The following VCF2 variants were observed in gnomAD, a reference collection of about 807,000 sequenced individuals.
The protein encoded by VCF2 is VCP nuclear cofactor family member 2, also known as protein VCF2.
the VCF2 span, among the ~76,000 whole-genome samples, chrX:55,158,921 T>C: frequency 8.9e-6 from 1 of 112,153 alleles, no homozygotes; most frequent in East Asian, 2.8e-4. Flanking sequence ...TGATTATGTT[T>C]AGCAAAGTTT....
At chrX:55,143,736 AT>A in the VCF2 span, 1 of 1,030,224 alleles carries the variant, frequency 9.7e-7, no homozygotes, top group African/African-American at 1.9e-5. Context: ...TTCTTCTGAT[AT>A]TCCTTGAAAA....
chrX:55,152,183 G>A, the VCF2 span, among the ~76,000 whole-genome samples: 3 of 111,485 alleles, frequency 2.7e-5, no homozygotes, highest in African/African-American at 9.8e-5. Flanking sequence ...GAGCCACCGT[G>A]CCCGGCCAAG....
chrX:55,155,314 A>G, the VCF2 span, among the ~76,000 whole-genome samples: 1 of 112,252 alleles, frequency 8.9e-6, no homozygotes, highest in African/African-American at 3.2e-5. Flanking sequence ...ATTTTAATGG[A>G]TGAATGAAAT....
chrX:55,146,224 C>T, the VCF2 span: 1 of 1,211,614 alleles, frequency 8.3e-7, no homozygotes, highest in Non-Finnish European at 1.1e-6. Context: ...GGTTCAGTAA[C>T]AATCTGGTTT....
the VCF2 span, among the ~76,000 whole-genome samples, chrX:55,149,059 T>C: frequency 1.8e-5 from 2 of 111,976 alleles, no homozygotes; most frequent in African/African-American, 6.5e-5. Context: ...TTTCATTTAT[T>C]ACCCAGGAAA....
the VCF2 span, among the ~76,000 whole-genome samples, chrX:55,158,632 T>G: frequency 9.0e-6 from 1 of 111,685 alleles, no homozygotes; most frequent in Non-Finnish European, 1.9e-5. Context: ...TATACAGGTA[T>G]CAAAATATCA....
At chrX:55,147,644 T>G in the VCF2 span, among the ~76,000 whole-genome samples, 1 of 97,249 alleles carries the variant, frequency 1.0e-5, no homozygotes, top group East Asian at 3.2e-4. Context: ...GTTTTTTTTT[T>G]TTTTTTTTTT....
At chrX:55,144,931 C>T in the VCF2 span, among the ~76,000 whole-genome samples, 3 of 112,724 alleles carry the variant, frequency 2.7e-5, no homozygotes, top group South Asian at 3.6e-4. Context: ...GCATCCTGGT[C>T]CTTTGTTCAC....
the VCF2 span, among the ~76,000 whole-genome samples, chrX:55,152,954 A>C: frequency 8.9e-6 from 1 of 112,195 alleles, no homozygotes; most frequent in Non-Finnish European, 1.9e-5. Context: ...ATGCAGATTC[A>C]CCAAGCCAGA....
At chrX:55,155,990 C>G in the VCF2 span, among the ~76,000 whole-genome samples, 1 of 95,963 alleles carries the variant, frequency 1.0e-5, no homozygotes, top group African/African-American at 3.9e-5. Flanking sequence ...GTCACCCAGG[C>G]TAGAGTGCTA....
the VCF2 span, chrX:55,159,241 T>C: frequency 7.7e-6 from 9 of 1,168,994 alleles, no homozygotes; most frequent in African/African-American, 5.3e-5. Context: ...GAAAATAAAT[T>C]GTAAAGAGAG....
the VCF2 span, among the ~76,000 whole-genome samples, chrX:55,155,942 T>C: frequency 4.6e-5 from 3 of 64,803 alleles, no homozygotes; most frequent in African/African-American, 1.6e-4. Flanking sequence ...CTTCTTCTTC[T>C]TTTTTTTTTT....
At chrX:55,152,356 T>A in the VCF2 span, among the ~76,000 whole-genome samples, 1 of 112,247 alleles carries the variant, frequency 8.9e-6, no homozygotes, top group Non-Finnish European at 1.9e-5. Context: ...TTGTTCTCCA[T>A]CTTTTTGTTT....
At chrX:55,155,899 T>A in the VCF2 span, among the ~76,000 whole-genome samples, 2 of 109,533 alleles carry the variant, frequency 1.8e-5, no homozygotes, top group Admixed American at 2.0e-4. Context: ...CACTTTTTAA[T>A]GATAAAAGCA....
chrX:55,145,770 G>A, the VCF2 span: 1 of 795,618 alleles, frequency 1.3e-6, no homozygotes, highest in Non-Finnish European at 1.5e-6. Flanking sequence ...GACAGATCTG[G>A]AAATCAATCT....
the VCF2 span, among the ~76,000 whole-genome samples, chrX:55,153,106 G>A: frequency 9.0e-6 from 1 of 111,453 alleles, no homozygotes; most frequent in African/African-American, 3.3e-5. Context: ...ATACACATAT[G>A]GATTGGTGTC....
the VCF2 span, among the ~76,000 whole-genome samples, chrX:55,150,378 G>A: frequency 9.0e-6 from 1 of 111,256 alleles, no homozygotes; most frequent in Non-Finnish European, 1.9e-5. Flanking sequence ...GGAACACACA[G>A]CCTAGATCCC....
chrX:55,146,168 G>T, the VCF2 span: 86 of 1,209,077 alleles, frequency 7.1e-5, no homozygotes, highest in Non-Finnish European at 9.2e-5. Context: ...AAAGACCTTG[G>T]CATGGTACAT....
chrX:55,160,895 A>G, the VCF2 span: 1 of 1,156,285 alleles, frequency 8.6e-7, no homozygotes. Flanking sequence ...CTTTCGGAGA[A>G]GGCTTCGCGG....
Sources: allele counts gnomAD v4.1 joint callset (sites outside exome capture counted in the v4.1 genomes callset), GRCh38; gene constraint gnomAD v4.1.1; transcripts MANE v1.5; gene names NCBI Gene and HGNC (gene_info 2026-07-23, HGNC 2026-07-21).